IHO1: variants seen among roughly 807,000 people sequenced by gnomAD.
IHO1 encodes interactor of HORMAD1 protein 1.
Under a neutral mutation model 31.0 loss-of-function variants are expected in IHO1, and 13 were observed. The observed-to-expected ratio is 0.42, with a 90% CI of 0.27 to 0.67. The LOEUF is 0.67. Among genes scored for constraint, IHO1 ranks in the 30% least tolerant of loss-of-function variants. IHO1 has a pLI of 0.24. For synonymous variants in IHO1, 221 were observed against 248.4 expected, an observed-to-expected ratio of 0.89 and a Z score of 1.04; for missense variants, 599 against 687.5, an observed-to-expected ratio of 0.87 and a Z score of 1.44.
chr3:49,236,174 A>C (rs984210622), intron 2 of IHO1, among the ~76,000 whole-genome samples: 2 of 152,168 alleles, frequency 1.3e-5, no homozygotes, highest in Non-Finnish European at 2.9e-5. Context: ...ATGCCACTGC[A>C]CTCCAGCCTG....
At chr3:49,223,647 C>T (rs1249843739) in intron 2 of IHO1, among the ~76,000 whole-genome samples, 6 of 151,782 alleles carry the variant, frequency 4.0e-5, no homozygotes, top group Admixed American at 6.6e-5. Flanking sequence ...GCCGAGATCA[C>T]GCCACTGCAC....
chr3:49,255,498 G>A lies in IHO1; in HGVS notation c.636+5G>A, dbSNP rs2046811662. On this transcript the variant is annotated splice_donor_5th_base_variant and intron_variant, in intron 7 of 7. Transcript: ENST00000452691. Reference sequence around the variant, plus strand: ...ATGAAGAAAAGATTTGAAGCTGTAAGTGTAAACCCCAACCTCTTTCTAAGT... The same window carrying A: ...ATGAAGAAAAGATTTGAAGCTGTAAATGTAAACCCCAACCTCTTTCTAAGT... 1 of 1,572,306 alleles carries A rather than the reference G, an allele frequency of 6.4e-7. No individual in the cohort carries two copies.
intron 2 of IHO1, among the ~76,000 whole-genome samples, chr3:49,224,504 T>C (rs865818270): frequency 3.4e-4 from 52 of 152,258 alleles, no homozygotes; most frequent in African/African-American, 1.1e-3. Flanking sequence ...CATGGGCATG[T>C]AGGATTAGAT....
At chr3:49,242,069 G>T (rs181816596) in intron 4 of IHO1, among the ~76,000 whole-genome samples, 1 of 151,686 alleles carries the variant, frequency 6.6e-6, no homozygotes, top group Admixed American at 6.6e-5. Flanking sequence ...ACAGCCTCCC[G>T]AGTAGCTGGG....
chr3:49,235,956 C>G (rs1243375202), intron 2 of IHO1, among the ~76,000 whole-genome samples: 1 of 146,530 alleles, frequency 6.8e-6, no homozygotes, highest in Non-Finnish European at 1.5e-5. Flanking sequence ...AGATAACATT[C>G]TTGGCCCTGC....
chr3:49,252,444 G>C (rs2046771762), intron 6 of IHO1, among the ~76,000 whole-genome samples: 1 of 151,482 alleles, frequency 6.6e-6, no homozygotes, highest in South Asian at 2.1e-4. Context: ...TTTGAGATAG[G>C]TTCTCCCTCT....
intron 2 of IHO1, among the ~76,000 whole-genome samples, chr3:49,233,911 T>G (rs912252105): frequency 6.6e-6 from 1 of 152,168 alleles, no homozygotes; most frequent in African/African-American, 2.4e-5. Flanking sequence ...ATCCGTACCT[T>G]AAGGACATGT....
At chr3:49,255,965 T>C (rs1402482791) in intron 7 of IHO1, among the ~76,000 whole-genome samples, 169 bp from the exon 8 acceptor site, 3 of 152,130 alleles carry the variant, frequency 2.0e-5, no homozygotes, top group African/African-American at 7.2e-5. Flanking sequence ...TGACATGATG[T>C]GGGCCCCAGG....
intron 2 of IHO1, among the ~76,000 whole-genome samples, chr3:49,216,262 A>G (rs1027101928): frequency 1.1e-4 from 16 of 152,200 alleles, no homozygotes; most frequent in Middle Eastern, 3.2e-3. Context: ...TAGATTTATC[A>G]TGCACTTTGT....
chr3:49,249,275 AT>A (rs34932084), intron 6 of IHO1, among the ~76,000 whole-genome samples: 9,126 of 145,592 alleles, frequency 0.063, 369 homozygotes, highest in Non-Finnish European at 0.091. Flanking sequence ...CATGGACAAC[AT>A]TTTTTTTTTT....
chr3:49,205,116 C>A (rs2046118379), intron 1 of IHO1, among the ~76,000 whole-genome samples: 1 of 151,826 alleles, frequency 6.6e-6, no homozygotes, highest in South Asian at 2.1e-4. Flanking sequence ...ATTTCTTGAT[C>A]ATATGCTAAA....
chr3:49,217,783 A>G (rs1203985938), intron 2 of IHO1, among the ~76,000 whole-genome samples: 1 of 152,242 alleles, frequency 6.6e-6, no homozygotes, highest in Non-Finnish European at 1.5e-5. Context: ...TCAGATTCTC[A>G]TAAGGAGCGC....
upstream of IHO1, among the ~76,000 whole-genome samples, chr3:49,195,715 AAAC>A (rs1044822103): frequency 3.3e-5 from 5 of 151,940 alleles, no homozygotes; most frequent in South Asian, 2.1e-4. Context: ...CTCCATCTCA[AAAC>A]AACAACAACA....
chr3:49,239,012 C>T (rs2046593613), intron 3 of IHO1, among the ~76,000 whole-genome samples: 1 of 152,160 alleles, frequency 6.6e-6, no homozygotes, highest in Non-Finnish European at 1.5e-5. Context: ...TTGTTTTTCT[C>T]TTTACATCTC....
chr3:49,228,330 C>A (rs1247174715), intron 2 of IHO1: 1 of 449,864 alleles, frequency 2.2e-6, no homozygotes, highest in Non-Finnish European at 4.4e-6. Context: ...GCTCTCCACT[C>A]CGAAGAGTCA....
chr3:49,241,685 A>G (rs537240834), intron 4 of IHO1, among the ~76,000 whole-genome samples: 45 of 152,192 alleles, frequency 3.0e-4, no homozygotes, highest in African/African-American at 1.0e-3. Flanking sequence ...CAGTGGCACA[A>G]TCTTGGCTCA....
chr3:49,207,047 CA>C (rs71077775), intron 1 of IHO1, among the ~76,000 whole-genome samples: 207 of 48,770 alleles, frequency 4.2e-3, no homozygotes, highest in Middle Eastern at 0.013. Context: ...GACTCTGTCT[CA>C]AAAAAAAAAA....
intron 6 of IHO1, among the ~76,000 whole-genome samples, chr3:49,250,611 G>A (rs2046748727): frequency 6.6e-6 from 1 of 152,164 alleles, no homozygotes; most frequent in Admixed American, 6.5e-5. Context: ...GATGTCTGAA[G>A]AATATTTGAC....
intron 6 of IHO1, among the ~76,000 whole-genome samples, chr3:49,252,763 G>A (rs952479735): frequency 1.4e-4 from 22 of 152,030 alleles, no homozygotes; most frequent in African/African-American, 3.9e-4. Context: ...TGTAGAATTC[G>A]GCCGGGCATG....
Sources: allele counts gnomAD v4.1 joint callset (sites outside exome capture counted in the v4.1 genomes callset), GRCh38; gene constraint gnomAD v4.1.1; transcripts MANE v1.5; gene names NCBI Gene and HGNC (gene_info 2026-07-23, HGNC 2026-07-21).